Variants in NXF1 observed in about 807,000 individuals in gnomAD.
The protein encoded by NXF1 is mRNA export factor TAP.
A neutral mutation model predicts 92.4 loss-of-function variants in NXF1; 43 were observed. The ratio of observed to expected loss-of-function variants is 0.47; its 90% CI spans 0.36 to 0.60. The LOEUF is 0.60. NXF1 is among the 20% of genes least tolerant of loss of function. NXF1 has a pLI of 0.00. For missense variants in NXF1, 576 were observed against 793.0 expected (o/e 0.73, Z 3.29); for synonymous variants, 288 against 292.2 (o/e 0.99, Z 0.15).
At chr11:62,800,614 T>C in intron 9 of NXF1, 128 bp from the exon 10 acceptor site, 1 of 632,304 alleles carries the variant, frequency 1.6e-6, no homozygotes, top group South Asian at 2.2e-5. Flanking sequence ...TCTTTTTTTT[T>C]TTTTTTTGGG....
chr11:62,797,693 C>T (rs746550849), intron 11 of NXF1, among the ~76,000 whole-genome samples: 9 of 152,136 alleles, frequency 5.9e-5, no homozygotes, highest in Middle Eastern at 3.4e-3. Context: ...ATGACAGAGC[C>T]AGACCCTGTC....
At chr11:62,802,372 G>C (rs2084488790) in intron 3 of NXF1, 112 bp from the exon 4 acceptor site, 2 of 796,068 alleles carry the variant, frequency 2.5e-6, no homozygotes, top group African/African-American at 3.4e-5. Context: ...TCTAAAGAAA[G>C]GACCAGTACT....
chr11:62,804,583 C>T (rs558377617), intron 1 of NXF1, among the ~76,000 whole-genome samples: 85 of 152,216 alleles, frequency 5.6e-4, no homozygotes, highest in African/African-American at 1.8e-3. Context: ...AAAAAAGGTC[C>T]CTAACTCCCA....
Position 62,792,644 on chromosome 11 carries a change from G to A in NXF1, c.1818C>T (p.Leu606=), listed in dbSNP as rs892584019. ...YTRSAQAFTH[L]KAKGEIPEVA... Reference sequence around the variant, plus strand: ...CCACTGTATTTCCAGACCTTACCTTGAGATGAGTGAAGGCCTGGGCAGATC... The same window carrying A: ...CCACTGTATTTCCAGACCTTACCTTAAGATGAGTGAAGGCCTGGGCAGATC... Residue 606 remains leucine (L), a synonymous_variant, in exon 20 of 21, where the codon CTC becomes CTT. Coordinates refer to ENST00000294172, the MANE Select transcript of NXF1 (RefSeq NM_006362.5). The A allele has an allele frequency of 2.5e-6, 4 of 1,614,070 alleles. No individual in the cohort carries two copies. In the Admixed American group the frequency reaches 5.0e-5, roughly 20 times the overall value.
intron 17 of NXF1, 24 bp downstream of exon 17, chr11:62,795,877 A>G: frequency 6.2e-7 from 1 of 1,610,466 alleles, no homozygotes. Context: ...CACGCTACAA[A>G]CTCGGGACTC....
At position 62,801,598 on chromosome 11, in the gene NXF1, G is replaced by C; in HGVS notation, c.673C>G (p.Gln225Glu). 1 of 1,614,134 alleles carries C rather than the reference G, an allele frequency of 6.2e-7. No homozygotes were observed. Among genetic ancestry groups the C allele is most frequent in the African/African-American group, 1.3e-5 (1 of 75,022 alleles). Reference protein sequence around the residue: ...IMSKRYDGSQQALDLKGLRSD... With the variant: ...IMSKRYDGSQEALDLKGLRSD... The stretch of plus-strand genomic sequence containing the variant: ...CGGAGGCCTTTGAGGTCAAGGGCTT[G>C]TTGGGAGCCATCGTATCGTTTGCTC... Residue 225 changes from glutamine to glutamate, a missense_variant, in exon 7 of 21, where the codon CAA becomes GAA. Physicochemically the swap from Gln to Glu is conservative, Grantham distance 29 (BLOSUM62 2). Coordinates refer to ENST00000294172, the MANE Select transcript of NXF1 (RefSeq NM_006362.5).
intron 3 of NXF1, among the ~76,000 whole-genome samples, chr11:62,802,911 A>G (rs1316647361): frequency 6.6e-6 from 1 of 152,022 alleles, no homozygotes; most frequent in Non-Finnish European, 1.5e-5. Flanking sequence ...CCCTCCCCCA[A>G]CCAAAATTTT....
chr11:62,803,583 G>A lies in NXF1; in HGVS notation c.216-11C>T, dbSNP rs2084502905. Reference sequence around the variant, plus strand: ...GTGGTATAGGGGTTGCTGTGGGTAAGCAGAGAATAAAATGACCACAAATGC... The same window carrying A: ...GTGGTATAGGGGTTGCTGTGGGTAAACAGAGAATAAAATGACCACAAATGC... On this transcript the variant is annotated splice_polypyrimidine_tract_variant and intron_variant, in intron 2 of 20. Coordinates refer to ENST00000294172, the MANE Select transcript of NXF1 (RefSeq NM_006362.5). 6.2e-7 allele frequency: 1 copy of A among 1,613,946 alleles called. No individual in the cohort carries two copies. The highest frequency in any genetic ancestry group is 8.5e-7 in the Non-Finnish European group (1 of 1,179,980).
chr11:62,794,893 T>C lies in NXF1; in HGVS notation c.1577+42A>G, dbSNP rs757929024. ...CCTCCAATTACCACACTGTTGGCCA[T>C]GGATTAGGACTGGTATCCAATGCGA... On this transcript the variant is annotated intron_variant, in intron 18 of 20. Transcript: ENST00000294172. 1.5e-5 allele frequency: 23 copies of C among 1,571,338 alleles called. No individual in the cohort carries two copies. In the African/African-American group the frequency reaches 2.4e-4, roughly 17 times the overall value.
At position 62,792,339 on chromosome 11, in the gene NXF1, G is replaced by C. The variant is rs1477185841; in HGVS notation, c.*137C>G. 8 of 1,038,270 alleles carry C rather than the reference G, an allele frequency of 7.7e-6. No homozygotes were observed. In the Admixed American group the frequency reaches 1.4e-4, roughly 18 times the overall value. 64.3% of individuals were successfully genotyped at this position (1,038,270 alleles called of 1,614,324 possible). ...CTTCCAGAAGGCAGGCGAGGAGAGGGATCAGGCAGCCCTCCCTCCCTCGGT... is the reference window on the plus strand; with the variant it reads ...CTTCCAGAAGGCAGGCGAGGAGAGGCATCAGGCAGCCCTCCCTCCCTCGGT... On this transcript the variant is annotated 3_prime_UTR_variant, in exon 21 of 21. Coordinates refer to ENST00000294172, the MANE Select transcript of NXF1 (RefSeq NM_006362.5).
Position 62,792,339 on chromosome 11 carries a change from G to T in NXF1, c.*137C>A. The stretch of plus-strand genomic sequence containing the variant: ...CTTCCAGAAGGCAGGCGAGGAGAGG[G>T]ATCAGGCAGCCCTCCCTCCCTCGGT... On this transcript the variant is annotated 3_prime_UTR_variant, in exon 21 of 21. Transcript: ENST00000294172. The T allele has an allele frequency of 9.6e-7, 1 of 1,038,388 alleles. No individual in the cohort carries two copies. 64.3% of individuals were successfully genotyped at this position (1,038,388 alleles called of 1,614,324 possible).
chr11:62,801,898 G>A, intron 5 of NXF1, 44 bp downstream of exon 5: 1 of 1,605,436 alleles, frequency 6.2e-7, no homozygotes, highest in Non-Finnish European at 8.5e-7. Context: ...CCTGCTCTGA[G>A]CACCAACCTC....
Position 62,792,261 on chromosome 11 carries a change from C to G in NXF1, c.*215G>C, listed in dbSNP as rs1274042950. On this transcript the variant is annotated 3_prime_UTR_variant, in exon 21 of 21. Coordinates refer to ENST00000294172, the MANE Select transcript of NXF1 (RefSeq NM_006362.5). ...TCCTTCGGGTAGTTTAGTGTCAGTTCTACAAAGTAAGCTTTGGCTTCCTGG... is the reference window on the plus strand; with the variant it reads ...TCCTTCGGGTAGTTTAGTGTCAGTTGTACAAAGTAAGCTTTGGCTTCCTGG... 5.6e-6 allele frequency: 4 copies of G among 715,122 alleles called. No individual in the cohort carries two copies. The highest frequency in any genetic ancestry group is 9.6e-6 in the Non-Finnish European group (4 of 415,046). 44.3% of individuals were successfully genotyped at this position (715,122 alleles called of 1,614,324 possible).
At chr11:62,804,699 C>T (rs1447199550) in intron 1 of NXF1, among the ~76,000 whole-genome samples, 3 of 152,196 alleles carry the variant, frequency 2.0e-5, no homozygotes, top group African/African-American at 7.2e-5. Flanking sequence ...TGAGAACTTT[C>T]TCCAGTGCCG....
chr11:62,798,744 C>T (rs1590952011), intron 10 of NXF1, 169 bp from the exon 11 acceptor site: 2 of 1,421,966 alleles, frequency 1.4e-6, no homozygotes, highest in East Asian at 5.2e-5. Context: ...CCCCACCTGA[C>T]CCGGGGCACC....
rs749522721 is a variant in NXF1 at position 62,805,327 on chromosome 11, A to G, written c.28+2T>C. Reference sequence around the variant, plus strand: ...GTTCCCGACCCGAAGACCAGCACTTACCGCTGTACGACTTCCCCTCGTCCG... The same window carrying G: ...GTTCCCGACCCGAAGACCAGCACTTGCCGCTGTACGACTTCCCCTCGTCCG... On this transcript the variant is annotated splice_donor_variant, in intron 1 of 20. Coordinates refer to ENST00000294172, the MANE Select transcript of NXF1 (RefSeq NM_006362.5). LOFTEE classifies it high-confidence loss of function. The G allele has an allele frequency of 4.3e-6, 7 of 1,609,840 alleles. No homozygotes were observed. In the African/African-American group the frequency reaches 6.7e-5, roughly 15 times the overall value.
Position 62,792,692 on chromosome 11 carries a change from C to T in NXF1, c.1770G>A (p.Gln590=). 3 of 1,614,174 alleles carry T rather than the reference C, an allele frequency of 1.9e-6. No homozygotes were observed. In the East Asian group the frequency reaches 6.7e-5, roughly 36 times the overall value. ...ATCTGGTGTAGTCCCAGTTGTTGTC[C>T]TGAAGGCACCTGGAGTGGAAGAACA... ...MNLEWSQKCL[Q]DNNWDYTRSA... The change falls in exon 20 of 21, where the codon CAG becomes CAA. Residue 590 remains glutamine (Q), a synonymous_variant. Coordinates refer to ENST00000294172, the MANE Select transcript of NXF1 (RefSeq NM_006362.5).
intron 10 of NXF1, chr11:62,799,331 C>G: frequency 1.0e-6 from 1 of 985,808 alleles, no homozygotes; most frequent in East Asian, 1.1e-4. Flanking sequence ...TGAGTGGGCA[C>G]TTGCTGTTGG....
Position 62,803,486 on chromosome 11 carries a change from G to C in NXF1, c.302C>G (p.Ala101Gly). The C allele has an allele frequency of 6.2e-7, 1 of 1,614,052 alleles. No individual in the cohort carries two copies. Among genetic ancestry groups the C allele is most frequent in the Non-Finnish European group, 8.5e-7 (1 of 1,180,020 alleles). The change falls in exon 3 of 21, where the codon GCT becomes GGT. Residue 101 changes from alanine to glycine, a missense_variant. Physicochemically the swap from Ala to Gly is moderately conservative, Grantham distance 60. This residue lies in a region of NXF1 where 151 missense variants were observed against 157.8 expected (regional missense o/e 0.96). Coordinates refer to ENST00000294172, the MANE Select transcript of NXF1 (RefSeq NM_006362.5). ...RIHVTVRRDR[A>G]PPERGGAGTS... ...GCCAGCCCCTCCTCTCTCTGGAGGAGCTCTGTCTCTCCGCACAGTAACATG... is the reference window on the plus strand; with the variant it reads ...GCCAGCCCCTCCTCTCTCTGGAGGACCTCTGTCTCTCCGCACAGTAACATG...
Sources: allele counts gnomAD v4.1 joint callset (sites outside exome capture counted in the v4.1 genomes callset), GRCh38; gene constraint gnomAD v4.1.1; regional missense constraint gnomAD v4.1.1; transcripts MANE v1.5; gene names NCBI Gene and HGNC (gene_info 2026-07-23, HGNC 2026-07-21).